The following FAR2 variants were observed in gnomAD, a reference collection of about 807,000 sequenced individuals.
FAR2 encodes the protein epididymis secretory protein Li 81.
Under a neutral mutation model 56.0 loss-of-function variants are expected in FAR2, and 19 were observed. That is an observed-to-expected ratio of 0.34 (90% CI 0.24 to 0.50). The LOEUF (loss-of-function observed/expected upper bound fraction) is 0.50, where lower values mean the gene tolerates loss of function less well. FAR2 is among the 20% of genes least tolerant of loss of function. The probability of loss-of-function intolerance (pLI) is 0.98; values close to 1 mark genes in which losing one functional copy is unlikely to be tolerated. For missense variants in FAR2, 508 were observed against 642.2 expected, an observed-to-expected ratio of 0.79 and a Z score of 2.26; for synonymous variants, 219 against 218.8, an observed-to-expected ratio of 1.00 and a Z score of -0.01.
At chr12:29,275,775 T>A (rs1948698817) in intron 2 of FAR2, among the ~76,000 whole-genome samples, 1 of 152,200 alleles carries the variant, frequency 6.6e-6, no homozygotes, top group Admixed American at 6.5e-5. Flanking sequence ...AACCCAATCT[T>A]TACCTACTGC....
chr12:29,262,911 A>T (rs189959088), intron 1 of FAR2, among the ~76,000 whole-genome samples: 13 of 152,292 alleles, frequency 8.5e-5, no homozygotes, highest in Admixed American at 5.9e-4. Flanking sequence ...AACACACTTC[A>T]CCTATAAAGA....
intron 1 of FAR2, among the ~76,000 whole-genome samples, chr12:29,161,499 T>C (rs1253797489): frequency 3.9e-5 from 6 of 152,272 alleles, no homozygotes; most frequent in African/African-American, 1.4e-4. Flanking sequence ...TTCACATTGC[T>C]GTGTAATACT....
At chr12:29,189,591 A>T (rs563772975) in intron 1 of FAR2, among the ~76,000 whole-genome samples, 2 of 152,112 alleles carry the variant, frequency 1.3e-5, no homozygotes, top group Non-Finnish European at 2.9e-5. Context: ...AGGCCCTCTC[A>T]GTTAACATAG....
At chr12:29,207,240 C>T (rs948450024) in intron 1 of FAR2, among the ~76,000 whole-genome samples, 2 of 152,130 alleles carry the variant, frequency 1.3e-5, no homozygotes, top group Non-Finnish European at 2.9e-5. Context: ...TCATGTATTT[C>T]CTCACTTCCC....
intron 1 of FAR2, among the ~76,000 whole-genome samples, chr12:29,185,265 TAAA>T (rs1038850845): frequency 4.6e-5 from 7 of 152,222 alleles, no homozygotes; most frequent in African/African-American, 1.7e-4. Context: ...CTGAAAATAT[TAAA>T]TAACACCAGA....
At chr12:29,154,107 A>T (rs896785559) in intron 1 of FAR2, among the ~76,000 whole-genome samples, 1 of 152,220 alleles carries the variant, frequency 6.6e-6, no homozygotes, top group African/African-American at 2.4e-5. Flanking sequence ...AGCATGACAG[A>T]TATAGCTCCT....
At chr12:29,232,535 C>T (rs77628628) in intron 1 of FAR2, among the ~76,000 whole-genome samples, 7,679 of 152,110 alleles carry the variant, frequency 0.05, 478 homozygotes, top group African/African-American at 0.15. Context: ...CACGACTTCC[C>T]ACTACAGCTA....
At chr12:29,199,359 G>A (rs1230907896) in intron 1 of FAR2, among the ~76,000 whole-genome samples, 1 of 152,158 alleles carries the variant, frequency 6.6e-6, no homozygotes, top group African/African-American at 2.4e-5. Context: ...CAGCACTTTG[G>A]GAGGCCGAGG....
In FAR2 at chr12:29,333,837, C is replaced by T. The variant is rs1949765053; in HGVS notation, c.*43C>T. 1 of 1,548,670 alleles carries T rather than the reference C, an allele frequency of 6.5e-7. No individual in the cohort carries two copies. The highest frequency in any genetic ancestry group is 8.8e-7 in the Non-Finnish European group (1 of 1,133,558). ...TTTTTATCTGGAACCTCTCAGATAC[C>T]TCTAAAACAGCAAACTGTGATTCTC... On this transcript the variant is annotated 3_prime_UTR_variant, in exon 12 of 12. Transcript: ENST00000536681.
At chr12:29,209,692 CTG>C (rs34881464) in intron 1 of FAR2, among the ~76,000 whole-genome samples, 3,080 of 149,126 alleles carry the variant, frequency 0.021, 60 homozygotes, top group East Asian at 0.1. Context: ...GATGTCTGCT[CTG>C]TGTGTGTGTG....
At chr12:29,284,869 T>C (rs1948845219) in intron 2 of FAR2, among the ~76,000 whole-genome samples, 1 of 145,720 alleles carries the variant, frequency 6.9e-6, no homozygotes, top group Non-Finnish European at 1.5e-5. Context: ...TGAGATGGAG[T>C]CTCGCTCTGT....
chr12:29,274,776 C>A lies in FAR2; in HGVS notation c.189+4138C>A, dbSNP rs572511171. Among the ~76,000 whole-genome samples, 5 of 151,674 alleles carry A rather than the reference C, an allele frequency of 3.3e-5. No individual in the cohort carries two copies. The South Asian group carries it at 6.3e-4, about 19-fold the overall frequency. ...AGTACCTTGTGACCCCCACTCCTGC[C>A]CGCCAGAGAACAATCCCCCTTTTTC... On this transcript the variant is annotated intron_variant, in intron 2 of 11. Transcript: ENST00000536681.
At chr12:29,310,169 G>C (rs1433820406) in intron 6 of FAR2, among the ~76,000 whole-genome samples, 1 of 152,084 alleles carries the variant, frequency 6.6e-6, no homozygotes, top group Non-Finnish European at 1.5e-5. Flanking sequence ...TAGTGACTTA[G>C]AACATCATTA....
intron 1 of FAR2, among the ~76,000 whole-genome samples, chr12:29,246,900 A>G (rs1387472739): frequency 2.1e-5 from 3 of 144,266 alleles, no homozygotes; most frequent in South Asian, 2.2e-4. Context: ...TATGGAGACA[A>G]TTTTGGTAGG....
chr12:29,267,538 C>T (rs1008385246), intron 1 of FAR2, among the ~76,000 whole-genome samples: 17 of 152,184 alleles, frequency 1.1e-4, no homozygotes, highest in Non-Finnish European at 2.1e-4. Flanking sequence ...ATCTTGGGTG[C>T]TATTCTGCCC....
intron 5 of FAR2, among the ~76,000 whole-genome samples, chr12:29,308,717 C>T (rs530099177): frequency 0.33 from 41,619 of 127,646 alleles, 7,398 homozygotes; most frequent in African/African-American, 0.52. Context: ...CACACACACA[C>T]ACATATATAT....
Position 29,332,642 on chromosome 12 carries a change from A to G in FAR2, c.1300A>G (p.Ile434Val), listed in dbSNP as rs747375338. The G allele has an allele frequency of 2.5e-6, 4 of 1,613,830 alleles. No individual in the cohort carries two copies. The South Asian group carries it at 3.3e-5, about 13-fold the overall frequency. Residue 434 changes from isoleucine (I) to valine (V), a missense_variant, in exon 11 of 12, where the codon ATT (isoleucine) becomes GTT (valine). Transcript: ENST00000536681. ...GCGCCAGTTGAACTGGTTGGAATAC[A>G]TTGAAAATTATGTTTTGGGAGTTAA... ...DVRQLNWLEY[I>V]ENYVLGVKKY...
At chr12:29,258,618 G>A (rs1384782695) in intron 1 of FAR2, among the ~76,000 whole-genome samples, 2 of 152,092 alleles carry the variant, frequency 1.3e-5, no homozygotes, top group African/African-American at 4.8e-5. Flanking sequence ...TTCTGTATGA[G>A]ATGTCTCTCA....
intron 1 of FAR2, among the ~76,000 whole-genome samples, chr12:29,163,472 C>T (rs545269394): frequency 3.3e-5 from 5 of 152,326 alleles, no homozygotes; most frequent in South Asian, 4.1e-4. Context: ...GAGCAGTGAC[C>T]AGAACCCAGG....
Sources: gnomAD v4.1 joint callset for allele counts (sites outside exome capture counted in the v4.1 genomes callset) on GRCh38, gnomAD v4.1.1 for gene constraint, MANE v1.5 for transcripts, NCBI Gene and HGNC (gene_info 2026-07-23, HGNC 2026-07-21) for gene names.